R3HDM1: variants seen among roughly 807,000 people sequenced by gnomAD.
R3HDM1 encodes R3H domain containing 1, also known as R3H domain-containing protein 1.
A neutral mutation model predicts 141.1 loss-of-function variants in R3HDM1; 46 were observed. The ratio of observed to expected loss-of-function variants is 0.33; its 90% CI spans 0.26 to 0.42. R3HDM1 has a LOEUF of 0.42. R3HDM1 is among the 10% of genes least tolerant of loss of function. The pLI, the probability that R3HDM1 is intolerant of heterozygous loss-of-function variation, is 1.00. For synonymous variants in R3HDM1, 435 were observed against 472.9 expected (o/e 0.92, Z 1.04); for missense variants, 1,184 against 1,368.3 (o/e 0.87, Z 2.12).
At chr2:135,662,682 G>A (rs1324198828) in intron 19 of R3HDM1, among the ~76,000 whole-genome samples, 1 of 152,150 alleles carries the variant, frequency 6.6e-6, no homozygotes, top group Non-Finnish European at 1.5e-5. Context: ...ATGTAAACTA[G>A]TATATGATAT....
At chr2:135,551,189 C>T (rs2104928224) in intron 1 of R3HDM1, among the ~76,000 whole-genome samples, 1 of 152,302 alleles carries the variant, frequency 6.6e-6, no homozygotes, top group East Asian at 1.9e-4. Context: ...ACACTTTTAT[C>T]TAGCCAATGC....
intron 1 of R3HDM1, chr2:135,559,114 TTTG>T (rs1287455796): frequency 4.6e-5 from 42 of 920,404 alleles, no homozygotes; most frequent in African/African-American, 9.0e-5. Flanking sequence ...TGTGTGTGGT[TTTG>T]TTGTTGTTGT....
At chr2:135,587,888 A>G (rs1382487246) in intron 1 of R3HDM1, among the ~76,000 whole-genome samples, 1 of 150,252 alleles carries the variant, frequency 6.7e-6, no homozygotes, top group South Asian at 2.1e-4. Context: ...CTCTCCCTCC[A>G]TCTTCCATTC....
At chr2:135,707,241 A>G (rs185245357) in intron 21 of R3HDM1, among the ~76,000 whole-genome samples, 114 of 152,336 alleles carry the variant, frequency 7.5e-4, no homozygotes, top group African/African-American at 2.6e-3. Context: ...AACTTGTGAA[A>G]TTACTATAGA....
Position 135,680,248 on chromosome 2 carries a change from A to C in R3HDM1, c.2383A>C (p.Asn795His), listed in dbSNP as rs761188118. The change falls in exon 21 of 27, where the codon AAT becomes CAT. Residue 795 changes from asparagine (N) to histidine (H), a missense_variant. This residue lies in a region of R3HDM1 where 563 missense variants were observed against 562.0 expected (regional missense o/e 1.00). Transcript: ENST00000683871. The part of the protein sequence containing the change: ...QQPVMFPNQS[N>H]QGSMPTTGMP... ...GCCTGTTATGTTCCCTAATCAGTCT[A>C]ATCAAGGATCTATGCCCACAACAGG... 6.2e-7 allele frequency: 1 copy of C among 1,613,688 alleles called. No individual in the cohort carries two copies. Among genetic ancestry groups the C allele is most frequent in the Non-Finnish European group, 8.5e-7 (1 of 1,179,588 alleles).
chr2:135,561,644 A>G (rs912448231), intron 1 of R3HDM1, among the ~76,000 whole-genome samples: 1 of 152,016 alleles, frequency 6.6e-6, no homozygotes, highest in African/African-American at 2.4e-5. Flanking sequence ...CCTGAGCCCA[A>G]GATGTCGAGG....
chr2:135,608,979 G>T (rs2060303632), intron 3 of R3HDM1, among the ~76,000 whole-genome samples: 1 of 152,126 alleles, frequency 6.6e-6, no homozygotes, highest in Non-Finnish European at 1.5e-5. Context: ...TAAAAAAACT[G>T]CACGTTTAAT....
chr2:135,709,972 A>G, intron 22 of R3HDM1, 87 bp from the exon 23 acceptor site: 1 of 1,341,330 alleles, frequency 7.5e-7, no homozygotes, highest in South Asian at 1.4e-5. Flanking sequence ...TCAGAAATGT[A>G]AAATTACTAC....
chr2:135,621,972 G>T (rs2061551286), intron 6 of R3HDM1: 1 of 983,472 alleles, frequency 1.0e-6, no homozygotes, highest in African/African-American at 1.7e-5. Context: ...TGAGTATCCA[G>T]TAAGAATATT....
chr2:135,641,647 A>C lies in R3HDM1; in HGVS notation c.1331A>C (p.Tyr444Ser). ...TCTTCTCATGGCGCACCTGTCGTCT[A>C]TCCAACTGTCAGCACTCATAGTTCT... The part of the protein sequence containing the change: ...SQSSHGAPVV[Y>S]PTVSTHSSLS... Residue 444 changes from tyrosine to serine, a missense_variant, in exon 15 of 27, where the codon TAT becomes TCT. Physicochemically the swap from Tyr to Ser is moderately radical, Grantham distance 144 (BLOSUM62 -2). Around this residue, in one of 5 missense-constraint regions of R3HDM1, gnomAD observed 240 missense variants for 312.3 expected, o/e 0.77. Coordinates refer to ENST00000683871, the MANE Select transcript of R3HDM1 (RefSeq NM_001378107.1). 2.5e-6 allele frequency: 4 copies of C among 1,614,144 alleles called. No individual in the cohort carries two copies. The highest frequency in any genetic ancestry group is 1.7e-5 in the Admixed American group (1 of 60,026).
intron 1 of R3HDM1, among the ~76,000 whole-genome samples, chr2:135,542,964 T>C (rs944587274): frequency 6.6e-6 from 1 of 152,200 alleles, no homozygotes; most frequent in Non-Finnish European, 1.5e-5. Flanking sequence ...CTCAAGCTCC[T>C]GACCTCAAGT....
chr2:135,681,182 T>G (rs923251751), intron 21 of R3HDM1, among the ~76,000 whole-genome samples: 1 of 152,208 alleles, frequency 6.6e-6, no homozygotes, highest in African/African-American at 2.4e-5. Flanking sequence ...AGTTCATTGT[T>G]CAGAATGTAT....
chr2:135,569,557 G>T (rs972463282), intron 1 of R3HDM1, among the ~76,000 whole-genome samples: 2 of 151,986 alleles, frequency 1.3e-5, no homozygotes, highest in African/African-American at 4.8e-5. Context: ...TATAGAGCCA[G>T]ACCACTCACT....
At chr2:135,647,937 A>G (rs999584953) in intron 16 of R3HDM1, among the ~76,000 whole-genome samples, 3 of 152,158 alleles carry the variant, frequency 2.0e-5, no homozygotes, top group African/African-American at 7.2e-5. Flanking sequence ...ACTCTCTGAA[A>G]TTCGGGAAGA....
At chr2:135,571,547 A>C (rs933993170) in intron 1 of R3HDM1, among the ~76,000 whole-genome samples, 8 of 152,052 alleles carry the variant, frequency 5.3e-5, no homozygotes, top group Admixed American at 3.3e-4. Flanking sequence ...ACTGGTCTCG[A>C]ACTCCTGAGC....
intron 1 of R3HDM1, among the ~76,000 whole-genome samples, chr2:135,543,484 G>A (rs1275248448): frequency 6.6e-6 from 1 of 151,218 alleles, no homozygotes; most frequent in Non-Finnish European, 1.5e-5. Flanking sequence ...TATAGTTTAG[G>A]GTCAGGTTGC....
chr2:135,540,528 C>T (rs546308157), intron 1 of R3HDM1, among the ~76,000 whole-genome samples: 26 of 152,328 alleles, frequency 1.7e-4, no homozygotes, highest in Admixed American at 2.0e-4. Context: ...GGGGCTCAAG[C>T]AGTTCTCCCA....
At chr2:135,591,447 A>G (rs1047045505) in intron 1 of R3HDM1, among the ~76,000 whole-genome samples, 3 of 152,218 alleles carry the variant, frequency 2.0e-5, no homozygotes, top group Admixed American at 2.0e-4. Flanking sequence ...TCTTATAAAT[A>G]GTCCAACACT....
At chr2:135,696,676 A>T (rs1337681284) in intron 21 of R3HDM1, among the ~76,000 whole-genome samples, 10 of 151,962 alleles carry the variant, frequency 6.6e-5, no homozygotes, top group Non-Finnish European at 2.9e-5. Flanking sequence ...ATTTTTTTTA[A>T]AGATAGGATC....
Sources: gnomAD v4.1 joint callset for allele counts (sites outside exome capture counted in the v4.1 genomes callset) on GRCh38, gnomAD v4.1.1 for gene constraint, gnomAD v4.1.1 regional missense constraint, MANE v1.5 for transcripts, NCBI Gene and HGNC (gene_info 2026-07-23, HGNC 2026-07-21) for gene names.